The following PLCH2 variants were observed in gnomAD, a reference collection of about 807,000 sequenced individuals.
PLCH2 encodes the protein 1-phosphatidylinositol 4,5-bisphosphate phosphodiesterase eta-2.
PLCH2 carries 98 observed loss-of-function variants against 134.7 expected under a neutral mutation model. The observed-to-expected ratio is 0.73, with a 90% CI of 0.62 to 0.86. PLCH2 has a LOEUF of 0.86. Among genes scored for constraint, PLCH2 ranks in the 40% least tolerant of loss-of-function variants. PLCH2 has a pLI of 0.00. For missense variants in PLCH2, 1,994 were observed against 1,986.6 expected (o/e 1.00, Z -0.07); for synonymous variants, 974 against 827.5 (o/e 1.18, Z -3.04).
chr1:2,421,366 C>A (rs959782094), upstream of PLCH2, among the ~76,000 whole-genome samples: 2 of 152,198 alleles, frequency 1.3e-5, no homozygotes, highest in African/African-American at 4.8e-5. Context: ...CTCCAGTAAT[C>A]TCATCAGCTG....
At chr1:2,503,349 T>C in intron 21 of PLCH2, 1 of 580,188 alleles carries the variant, frequency 1.7e-6, no homozygotes, top group Non-Finnish European at 3.1e-6. Context: ...GCTCCAGGGG[T>C]CCCTACTGGG....
At position 2,498,225 on chromosome 1, in the gene PLCH2, C is replaced by G; in HGVS notation, c.2225-298C>G. The G allele has an allele frequency of 2.4e-6, 1 of 419,586 alleles. No individual in the cohort carries two copies. The highest frequency in any genetic ancestry group is 4.3e-6 in the Non-Finnish European group (1 of 231,888). 26.0% of individuals were successfully genotyped at this position (419,586 alleles called of 1,614,324 possible). The stretch of plus-strand genomic sequence containing the variant: ...CCCTGGGGACACTGTCACCAGAGAC[C>G]CCACCCCTCATACCCCCAGGGACCC... On this transcript the variant is annotated intron_variant, in intron 16 of 21. Coordinates refer to ENST00000378486, the MANE Select transcript of PLCH2 (RefSeq NM_014638.4). This position sits in a 1 kb window ranked among gnomAD's most constrained non-coding sequence, Gnocchi z 5.4.
intron 11 of PLCH2, among the ~76,000 whole-genome samples, chr1:2,492,085 G>A (rs1432880468): frequency 2.6e-5 from 4 of 152,262 alleles, no homozygotes; most frequent in Non-Finnish European, 5.9e-5. Context: ...ACCGTGCCCT[G>A]TGGCACCGGC....
chr1:2,503,909 CACCTCCCCACAGACA>C lies in PLCH2; in HGVS notation c.2960-12_2962del. ...TCCCTCTGGCTCTCTCTCACTCCCCCACCTCCCCACAGACACCCGCCCCCTCTCCACGCAGCGGCC... is the reference window on the plus strand; with the variant it reads ...TCCCTCTGGCTCTCTCTCACTCCCCCCCCGCCCCCTCTCCACGCAGCGGCC... On this transcript the variant is annotated splice_acceptor_variant and splice_polypyrimidine_tract_variant and coding_sequence_variant and intron_variant, in exon 22 of 22. Coordinates refer to ENST00000378486, the MANE Select transcript of PLCH2 (RefSeq NM_014638.4). LOFTEE classifies it high-confidence loss of function. The C allele has an allele frequency of 1.4e-6, 1 of 724,866 alleles. No homozygotes were observed. The highest frequency in any genetic ancestry group is 2.4e-6 in the Non-Finnish European group (1 of 413,400). The allele number at this position is 724,866 out of a possible 1,614,324, so 44.9% of individuals were successfully genotyped here.
At position 2,439,933 on chromosome 1, in the gene PLCH2, C is replaced by T. The variant is rs376293769; in HGVS notation, c.115+9304C>T. ...CTCAAAATCAGGGCAAGGTCATGTC[C>T]GGGACACTGCGGGGGACAAGGCAAC... is the stretch of plus-strand genomic sequence containing the variant. On this transcript the variant is annotated intron_variant, in intron 2 of 3. Coordinates refer to the PLCH2 transcript ENST00000609981. This position sits in a 1 kb window ranked among gnomAD's most constrained non-coding sequence, Gnocchi z 4.7. 4.0e-3 allele frequency among the ~76,000 whole-genome samples: 614 copies of T among 152,202 alleles called. 2 individuals are homozygous for T. Among genetic ancestry groups the T allele is most frequent in the African/African-American group, 0.013 (559 of 41,536 alleles).
At chr1:2,421,345 T>C (rs1196311476), upstream of PLCH2, among the ~76,000 whole-genome samples, 4 of 152,240 alleles carry the variant, frequency 2.6e-5, no homozygotes. Context: ...CACCAGAACC[T>C]ACGGTAGCAT....
Position 2,479,797 on chromosome 1 carries a change from C to T in PLCH2, c.335C>T (p.Pro112Leu). The T allele has an allele frequency of 3.2e-6, 5 of 1,584,036 alleles. No individual in the cohort carries two copies. The highest frequency in any genetic ancestry group is 4.3e-6 in the Non-Finnish European group (5 of 1,166,132). ...GRQSEVFQRY[P>L]DGSFDPNCCF... ...CAGTCGGAGGTCTTCCAGCGCTACCCTGACGGCAGCTTCGACCCCAACTGC... is the reference window on the plus strand; with the variant it reads ...CAGTCGGAGGTCTTCCAGCGCTACCTTGACGGCAGCTTCGACCCCAACTGC... The change falls in exon 3 of 22, where the codon CCT becomes CTT. Residue 112 changes from proline (P) to leucine (L), a missense_variant. Physicochemically the swap from Pro to Leu is moderately conservative, Grantham distance 98. Coordinates refer to ENST00000378486, the MANE Select transcript of PLCH2 (RefSeq NM_014638.4).
chr1:2,487,649 C>T lies in PLCH2; in HGVS notation c.1166C>T (p.Thr389Ile), dbSNP rs1642358143. Reference sequence around the variant, plus strand: ...GAGCCCATTGTGCACCATGGCTACACTCTGACTTCCAAGATCCTCTTCAAA... The same window carrying T: ...GAGCCCATTGTGCACCATGGCTACATTCTGACTTCCAAGATCCTCTTCAAA... Reference protein sequence around the residue: ...DGEPIVHHGYTLTSKILFKDV... With the variant: ...DGEPIVHHGYILTSKILFKDV... The change falls in exon 8 of 22, where the codon ACT becomes ATT. Residue 389 changes from threonine (T) to isoleucine (I), a missense_variant. By Grantham distance (89) the Thr-to-Ile change is moderately conservative (BLOSUM62 -1). This residue lies in a region of PLCH2 where 1,094 missense variants were observed against 1,234.3 expected (regional missense o/e 0.89). Coordinates refer to ENST00000378486, the MANE Select transcript of PLCH2 (RefSeq NM_014638.4). 1 of 1,613,448 alleles carries T rather than the reference C, an allele frequency of 6.2e-7. No homozygotes were observed. Among genetic ancestry groups the T allele is most frequent in the South Asian group, 1.1e-5 (1 of 91,080 alleles).
intron 2 of PLCH2, among the ~76,000 whole-genome samples, chr1:2,455,226 AC>A (rs1225272835): frequency 6.6e-6 from 1 of 152,144 alleles, no homozygotes; most frequent in African/African-American, 2.4e-5. Flanking sequence ...GGGAGCTAGG[AC>A]GGGCGGGCAC....
intron 4 of PLCH2, among the ~76,000 whole-genome samples, chr1:2,482,445 C>T (rs1320216253): frequency 6.6e-6 from 1 of 152,196 alleles, no homozygotes; most frequent in Non-Finnish European, 1.5e-5. Flanking sequence ...TTGGGGCTAC[C>T]CTCACACCTC....
In PLCH2 at chr1:2,436,177, C is replaced by T. The variant is rs192924059; in HGVS notation, c.115+5548C>T. 2.0e-3 allele frequency among the ~76,000 whole-genome samples: 272 copies of T among 135,764 alleles called. 2 individuals are homozygous for T. Among genetic ancestry groups the T allele is most frequent in the African/African-American group, 7.0e-3 (251 of 35,810 alleles). 89.1% of individuals were successfully genotyped at this position (135,764 alleles called of 152,430 possible). ...CTGCTCCCTCCTCCCTTCCTCCCTG[C>T]TCCCTCCTTCCTTCCTCTGTTTCCT... On this transcript the variant is annotated intron_variant, in intron 2 of 3. Coordinates refer to the PLCH2 transcript ENST00000609981.
rs1399126293 is a variant in PLCH2, at chr1:2,448,174, G to A, written c.115+17545G>A. ...GCGCCAGGTGCCCCGGGTGTCTGGA[G>A]CACCACGACATGGAGGGGTGTGTTT... On this transcript the variant is annotated intron_variant, in intron 2 of 3. Coordinates refer to the PLCH2 transcript ENST00000609981. This position sits in a 1 kb window ranked among gnomAD's most constrained non-coding sequence, Gnocchi z 4.0. Among the ~76,000 whole-genome samples, 1 of 152,228 alleles carries A rather than the reference G, an allele frequency of 6.6e-6. No homozygotes were observed. Among genetic ancestry groups the A allele is most frequent in the Non-Finnish European group, 1.5e-5 (1 of 68,034 alleles).
At chr1:2,427,296 C>T (rs941589979) in intron 1 of PLCH2, among the ~76,000 whole-genome samples, 9 of 152,072 alleles carry the variant, frequency 5.9e-5, no homozygotes, top group Non-Finnish European at 1.5e-5. Context: ...GTCCCCTCAC[C>T]CTCTGGGTCT....
At chr1:2,445,413 G>A (rs935609233) in intron 2 of PLCH2, among the ~76,000 whole-genome samples, 3 of 152,184 alleles carry the variant, frequency 2.0e-5, no homozygotes, top group Admixed American at 2.0e-4. Context: ...GGCAGTGGTC[G>A]GGGAACTGGT....
intron 2 of PLCH2, among the ~76,000 whole-genome samples, chr1:2,437,918 C>T (rs376440487): frequency 5.3e-5 from 8 of 152,364 alleles, no homozygotes; most frequent in African/African-American, 1.4e-4. Context: ...CGCCTCTCAC[C>T]GCCTCCTCTT....
At chr1:2,431,601 C>T (rs1639075190) in intron 2 of PLCH2, among the ~76,000 whole-genome samples, 1 of 152,126 alleles carries the variant, frequency 6.6e-6, no homozygotes, top group Non-Finnish European at 1.5e-5. Context: ...TCCTGGAGAG[C>T]TTCCAACTCT....
chr1:2,417,072 C>A, the PLCH2 span, among the ~76,000 whole-genome samples: 4 of 152,168 alleles, frequency 2.6e-5, no homozygotes, highest in African/African-American at 9.7e-5. Flanking sequence ...GAGGCCATGC[C>A]TGGTCCAAGG....
chr1:2,476,777 G>C, intron 1 of PLCH2, 65 bp downstream of exon 1: 1 of 1,494,840 alleles, frequency 6.7e-7, no homozygotes, highest in Non-Finnish European at 8.9e-7. Flanking sequence ...TGGTGGGTGG[G>C]GGCTGTTCCT....
chr1:2,502,109 C>T lies in PLCH2; in HGVS notation c.2662-3C>T. On this transcript the variant is annotated splice_polypyrimidine_tract_variant and splice_region_variant and intron_variant, in intron 20 of 21. Coordinates refer to ENST00000378486, the MANE Select transcript of PLCH2 (RefSeq NM_014638.4). ...ACAGCTACATGGGCTCCTTCTCTTG[C>T]AGGTCAAGCAGGCTCTGGGCCTAAA... 2 of 1,431,080 alleles carry T rather than the reference C, an allele frequency of 1.4e-6. No homozygotes were observed. Among genetic ancestry groups the T allele is most frequent in the East Asian group, 2.7e-5 (1 of 37,524 alleles). The allele number at this position is 1,431,080 out of a possible 1,614,324, so 88.6% of individuals were successfully genotyped here.
Sources: allele counts gnomAD v4.1 joint callset (sites outside exome capture counted in the v4.1 genomes callset), GRCh38; gene constraint gnomAD v4.1.1; regional missense constraint gnomAD v4.1.1; non-coding constraint Gnocchi (gnomAD v3.1); transcripts MANE v1.5; gene names NCBI Gene and HGNC (gene_info 2026-07-23, HGNC 2026-07-21).